ADGRV1: variants seen among roughly 807,000 people sequenced by gnomAD.
The protein encoded by ADGRV1 is adhesion G protein-coupled receptor V1, also known as G-protein coupled receptor 98.
Under a neutral mutation model 596.2 loss-of-function variants are expected in ADGRV1, and 359 were observed. That is an observed-to-expected ratio of 0.60 (90% confidence interval 0.55 to 0.66). The LOEUF (loss-of-function observed/expected upper bound fraction) is 0.66, where lower values mean the gene tolerates loss of function less well. Ranked by LOEUF, ADGRV1 falls within the 30% of genes least tolerant of loss-of-function variation. The probability of loss-of-function intolerance (pLI) is 0.00; values close to 1 mark genes in which losing one functional copy is unlikely to be tolerated. For missense variants in ADGRV1, 7,274 were observed against 7,575.6 expected (o/e 0.96, Z 1.48); for synonymous variants, 2,681 against 2,679.2 (o/e 1.00, Z -0.02).
chr5:90,741,317 T>A (rs1021298561), intron 50 of ADGRV1, among the ~76,000 whole-genome samples: 3 of 152,228 alleles, frequency 2.0e-5, no homozygotes, highest in Admixed American at 1.3e-4. Flanking sequence ...CTTTACATTG[T>A]CAACACTTTG....
intron 83 of ADGRV1, among the ~76,000 whole-genome samples, chr5:90,961,348 A>C: frequency 6.6e-6 from 1 of 151,854 alleles, no homozygotes; most frequent in South Asian, 2.1e-4. Context: ...AAAATACAAA[A>C]AATGGTGGCA....
chr5:90,796,372 A>T (rs1410223234), intron 70 of ADGRV1, among the ~76,000 whole-genome samples: 1 of 152,136 alleles, frequency 6.6e-6, no homozygotes, highest in Admixed American at 6.5e-5. Context: ...AGAAGAAATG[A>T]TATGATAGAT....
intron 1 of ADGRV1, among the ~76,000 whole-genome samples, chr5:90,601,267 A>G (rs955731876): frequency 1.2e-4 from 18 of 152,014 alleles, no homozygotes; most frequent in African/African-American, 4.3e-4. Flanking sequence ...GGGAAAACGA[A>G]TTCTTGTAAA....
chr5:90,969,574 G>A (rs1033708803), intron 84 of ADGRV1, among the ~76,000 whole-genome samples: 27 of 152,152 alleles, frequency 1.8e-4, no homozygotes, highest in African/African-American at 6.3e-4. Flanking sequence ...GTCACACAGT[G>A]CAAAGCGAGG....
At chr5:90,782,951 T>TA (rs1759014822) in intron 65 of ADGRV1, among the ~76,000 whole-genome samples, 173 bp from the exon 66 acceptor site, 1 of 152,172 alleles carries the variant, frequency 6.6e-6, no homozygotes, top group African/African-American at 2.4e-5. Context: ...ATGTTCCTCC[T>TA]AAAAAATGTC....
At chr5:90,896,649 G>A (rs776749725) in intron 83 of ADGRV1, among the ~76,000 whole-genome samples, 5 of 152,082 alleles carry the variant, frequency 3.3e-5, no homozygotes, top group Non-Finnish European at 7.4e-5. Context: ...ACTTTAATAG[G>A]TAATGTATCA....
intron 83 of ADGRV1, among the ~76,000 whole-genome samples, chr5:90,961,946 A>T (rs1176556017): frequency 6.6e-6 from 1 of 152,184 alleles, no homozygotes; most frequent in Non-Finnish European, 1.5e-5. Flanking sequence ...GCCATGGAGT[A>T]AAACGAATTG....
intron 85 of ADGRV1, among the ~76,000 whole-genome samples, chr5:91,026,356 T>G (rs2151206633): frequency 6.6e-6 from 1 of 152,324 alleles, no homozygotes; most frequent in Non-Finnish European, 1.5e-5. Flanking sequence ...GCTTTATTGC[T>G]TTGTAAATAT....
chr5:91,121,298 C>T (rs540487959), intron 87 of ADGRV1, among the ~76,000 whole-genome samples: 38 of 152,116 alleles, frequency 2.5e-4, no homozygotes, highest in Admixed American at 2.4e-3. Context: ...ATCATGAGAC[C>T]ATGGGAGATG....
intron 83 of ADGRV1, among the ~76,000 whole-genome samples, chr5:90,878,886 C>T (rs985247518): frequency 6.6e-6 from 1 of 152,212 alleles, no homozygotes; most frequent in Non-Finnish European, 1.5e-5. Flanking sequence ...ATTAAAAACT[C>T]GAACCATATT....
At chr5:90,827,371 C>T (rs776085527) in intron 76 of ADGRV1, among the ~76,000 whole-genome samples, 1 of 152,108 alleles carries the variant, frequency 6.6e-6, no homozygotes, top group African/African-American at 2.4e-5. Context: ...CTTGAAGACT[C>T]TTTATGTTAC....
At position 90,748,427 on chromosome 5, in the gene ADGRV1, C is replaced by T. The variant is rs557727680; in HGVS notation, c.10975-2124C>T. 1.6e-3 allele frequency among the ~76,000 whole-genome samples: 241 copies of T among 151,970 alleles called. 1 individual carries two copies. Among genetic ancestry groups the T allele is most frequent in the African/African-American group, 5.6e-3 (232 of 41,506 alleles). On this transcript the variant is annotated intron_variant, in intron 52 of 89. Coordinates refer to ENST00000405460, the MANE Select transcript of ADGRV1 (RefSeq NM_032119.4). ...CTGAAATATTTTTTCAACATACAAT[C>T]AACATAAAATTATTGAGGAAATAGT...
chr5:90,602,344 G>T (rs1288854914), intron 1 of ADGRV1, among the ~76,000 whole-genome samples: 1 of 152,160 alleles, frequency 6.6e-6, no homozygotes, highest in Non-Finnish European at 1.5e-5. Flanking sequence ...CAAAGTAGTT[G>T]GTATGGAAAA....
rs2438358 is a variant in ADGRV1 at position 90,783,117 on chromosome 5, A to G, written c.13232-7A>G. ...GCTTACCAATTAATTCCAAGTTCCCATTACAGTGGAGGAAGATGTTGGGCT... is the reference window on the plus strand; with the variant it reads ...GCTTACCAATTAATTCCAAGTTCCCGTTACAGTGGAGGAAGATGTTGGGCT... On this transcript the variant is annotated splice_polypyrimidine_tract_variant and splice_region_variant and intron_variant, in intron 65 of 89. Transcript: ENST00000405460. The G allele has an allele frequency of 5.3e-3, 8,622 of 1,611,722 alleles. 371 individuals are homozygous for G. The African/African-American group carries it at 0.099, about 18-fold the overall frequency.
chr5:91,159,885 G>A (rs1266283810), intron 89 of ADGRV1, among the ~76,000 whole-genome samples: 4 of 152,170 alleles, frequency 2.6e-5, no homozygotes. Context: ...CCATTTACAT[G>A]CTTAACAAGG....
rs397517428 is a variant in ADGRV1, at chr5:91,153,371, G to T, written c.18775G>T (p.Asp6259Tyr). The T allele has an allele frequency of 3.9e-5, 62 of 1,607,772 alleles. No individual in the cohort carries two copies. The highest frequency in any genetic ancestry group is 5.1e-5 in the Admixed American group (3 of 59,136). Residue 6259 changes from aspartate (D) to tyrosine (Y), a missense_variant, in exon 89 of 90, where the codon GAT (aspartate) becomes TAT (tyrosine). Physicochemically the swap from Asp to Tyr is radical, Grantham distance 160 (BLOSUM62 -3). This residue lies in a region of ADGRV1 where 1,874 missense variants were observed against 1,970.2 expected (regional missense o/e 0.95). Coordinates refer to ENST00000405460, the MANE Select transcript of ADGRV1 (RefSeq NM_032119.4). ...AGCCGATGAGGAGTCCCAGGAGTTT[G>T]ATGATTTAATATTTGCATTAAAAAC... Reference protein sequence around the residue: ...LIADEESQEFDDLIFALKTGA... With the variant: ...LIADEESQEFYDLIFALKTGA...
Position 91,095,647 on chromosome 5 carries a change from C to G in ADGRV1, c.18311-6572C>G, listed in dbSNP as rs188644326. Among the ~76,000 whole-genome samples the G allele has an allele frequency of 3.3e-4, 50 of 152,226 alleles. No homozygotes were observed. In the East Asian group the frequency reaches 9.3e-3, roughly 28 times the overall value. On this transcript the variant is annotated intron_variant, in intron 86 of 89. Transcript: ENST00000405460. ...TCAGATCACGGAAACATCCTTGTCT[C>G]TAAGTATCTGTGAATTTCAGAATAA...
rs11356382 is a variant in ADGRV1, at chr5:90,968,709, C to CT, written c.17973+3187dup. ...TTTATAAAACAGTGACTGCTGAAATCTTTTTTTTTCTAAAATCCGTTTTAA... is the reference window on the plus strand; with the variant it reads ...TTTATAAAACAGTGACTGCTGAAATCTTTTTTTTTTCTAAAATCCGTTTTAA... On this transcript the variant is annotated intron_variant, in intron 84 of 89. Coordinates refer to ENST00000405460, the MANE Select transcript of ADGRV1 (RefSeq NM_032119.4). Among the ~76,000 whole-genome samples the CT allele has an allele frequency of 4.2e-4, 63 of 151,518 alleles. No homozygotes were observed. The East Asian group carries it at 6.0e-3, about 14-fold the overall frequency.
At chr5:90,894,582 T>G (rs1771123826) in intron 83 of ADGRV1, among the ~76,000 whole-genome samples, 1 of 152,132 alleles carries the variant, frequency 6.6e-6, no homozygotes, top group African/African-American at 2.4e-5. Flanking sequence ...TTAGCGATAT[T>G]TCAGTACCTT....
Sources: allele counts gnomAD v4.1 joint callset (sites outside exome capture counted in the v4.1 genomes callset), GRCh38; gene constraint gnomAD v4.1.1; regional missense constraint gnomAD v4.1.1; transcripts MANE v1.5; gene names NCBI Gene and HGNC (gene_info 2026-07-23, HGNC 2026-07-21).